CNOT1: variants seen among roughly 807,000 people sequenced by gnomAD.
CNOT1 encodes CCR4-associated factor 1.
CNOT1 carries 15 observed loss-of-function variants against 273.8 expected under a neutral mutation model. That is an observed-to-expected ratio of 0.05 (90% CI 0.04 to 0.08). The LOEUF (loss-of-function observed/expected upper bound fraction) is 0.08, where lower values mean the gene tolerates loss of function less well. Among genes scored for constraint, CNOT1 ranks in the 10% least tolerant of loss-of-function variants. CNOT1 has a pLI of 1.00. For synonymous variants in CNOT1, 1,022 were observed against 1,005.5 expected (o/e 1.02, Z -0.31); for missense variants, 1,644 against 2,912.2 (o/e 0.56, Z 10.02).
At chr16:58,561,632 A>T (rs192394601) in intron 16 of CNOT1, among the ~76,000 whole-genome samples, 2 of 152,242 alleles carry the variant, frequency 1.3e-5, no homozygotes, top group East Asian at 3.9e-4. Context: ...CAAATCTGAG[A>T]ATCTGAATAC....
At chr16:58,589,519 A>G (rs971367934) in intron 2 of CNOT1, among the ~76,000 whole-genome samples, 2 of 152,202 alleles carry the variant, frequency 1.3e-5, no homozygotes, top group South Asian at 2.1e-4. Flanking sequence ...TCTCAAAAAA[A>G]GAAAAAAAAA....
intron 47 of CNOT1, among the ~76,000 whole-genome samples, chr16:58,522,086 A>C (rs1013732969): frequency 6.6e-6 from 1 of 151,658 alleles, no homozygotes; most frequent in African/African-American, 2.4e-5. Flanking sequence ...CTGGGAGGCC[A>C]AGACGGGTGG....
At position 58,549,858 on chromosome 16, in the gene CNOT1, G is replaced by C. The variant is rs368615964; in HGVS notation, c.3383C>G (p.Pro1128Arg). Residue 1128 changes from proline to arginine, a missense_variant, in exon 25 of 49, where the codon CCT (proline) becomes CGT (arginine). Physicochemically the swap from Pro to Arg is moderately radical, Grantham distance 103. Transcript: ENST00000317147. Reference sequence around the variant, plus strand: ...CATAACCAGATACTGTGAAACCCAAGGCATAAATTCTTCTTTCACCGTTTC... The same window carrying C: ...CATAACCAGATACTGTGAAACCCAACGCATAAATTCTTCTTTCACCGTTTC... ...LKETVKEEFM[P>R]WVSQYLVMKR... 6.2e-7 allele frequency: 1 copy of C among 1,613,886 alleles called. No individual in the cohort carries two copies. The highest frequency in any genetic ancestry group is 1.1e-5 in the South Asian group (1 of 91,034).
At chr16:58,544,736 A>G (rs118151706) in intron 30 of CNOT1, among the ~76,000 whole-genome samples, 109 of 152,352 alleles carry the variant, frequency 7.2e-4, no homozygotes, top group Non-Finnish European at 1.4e-3. Context: ...CACTCACCTG[A>G]TTCTGTATTA....
chr16:58,599,861 C>T (rs1341947831), intron 1 of CNOT1, among the ~76,000 whole-genome samples: 4 of 151,924 alleles, frequency 2.6e-5, no homozygotes, highest in African/African-American at 4.8e-5. Flanking sequence ...GGCAGGAGTT[C>T]GAGACCAGCC....
chr16:58,599,930 G>A (rs1342265600), intron 1 of CNOT1, among the ~76,000 whole-genome samples: 2 of 152,058 alleles, frequency 1.3e-5, no homozygotes, highest in Non-Finnish European at 2.9e-5. Flanking sequence ...AGGCATGGTG[G>A]TGCACGCCTG....
intron 22 of CNOT1, among the ~76,000 whole-genome samples, chr16:58,552,172 GC>G (rs776537165): frequency 2.6e-5 from 4 of 151,268 alleles, no homozygotes; most frequent in East Asian, 3.9e-4. Flanking sequence ...GAAACCAAAG[GC>G]CTTAAAAAAC....
In CNOT1 at chr16:58,555,549, A is replaced by G; in HGVS notation, c.2605-12T>C. The G allele has an allele frequency of 6.2e-7, 1 of 1,608,512 alleles. No homozygotes were observed. The highest frequency in any genetic ancestry group is 8.5e-7 in the Non-Finnish European group (1 of 1,178,212). Reference sequence around the variant, plus strand: ...AGCATTTCTAATACCTGGAAAAGCAAGACAAAAACAACGCACACATAAAGG... The same window carrying G: ...AGCATTTCTAATACCTGGAAAAGCAGGACAAAAACAACGCACACATAAAGG... On this transcript the variant is annotated splice_polypyrimidine_tract_variant and intron_variant, in intron 20 of 48. Transcript: ENST00000317147.
Position 58,541,543 on chromosome 16 carries a change from A to G in CNOT1, c.4758T>C (p.Asn1586=), listed in dbSNP as rs774666248. ...ARNVPGFLPT[N]DLSQPTGFLA... is the part of the protein sequence containing the mutation. ...AAAATCCCGTGGGCTGACTTAAGTC[A>G]TTTGTAGGTAAGAAGCCAGGAACAT... Residue 1586 remains asparagine (N), a synonymous_variant, in exon 34 of 49, where the codon AAT becomes AAC. Transcript: ENST00000317147. 1 of 1,614,098 alleles carries G rather than the reference A, an allele frequency of 6.2e-7. No individual in the cohort carries two copies. Among genetic ancestry groups the G allele is most frequent in the Non-Finnish European group, 8.5e-7 (1 of 1,179,930 alleles).
At chr16:58,531,265 C>T (rs1018920752) in intron 42 of CNOT1, among the ~76,000 whole-genome samples, 4 of 152,210 alleles carry the variant, frequency 2.6e-5, no homozygotes, top group African/African-American at 9.6e-5. Flanking sequence ...CCTTCTTTGT[C>T]AAGTTCACTC....
At chr16:58,561,710 G>A (rs1285957260) in intron 16 of CNOT1, among the ~76,000 whole-genome samples, 3 of 152,034 alleles carry the variant, frequency 2.0e-5, no homozygotes, top group East Asian at 3.9e-4. Context: ...GTAGCATTTC[G>A]GAGTTTGAAT....
intron 1 of CNOT1, among the ~76,000 whole-genome samples, chr16:58,627,423 A>AAAAAAAT (rs1567455137): frequency 6.6e-6 from 1 of 151,248 alleles, no homozygotes; most frequent in Non-Finnish European, 1.5e-5. Flanking sequence ...AAAAAAAAAA[A>AAAAAAAT]AGTTTCTCAT....
At chr16:58,522,131 A>T (rs2039406017) in intron 47 of CNOT1, among the ~76,000 whole-genome samples, 1 of 151,682 alleles carries the variant, frequency 6.6e-6, no homozygotes, top group Admixed American at 6.6e-5. Flanking sequence ...CAGCCTGGCC[A>T]AGATGGTGAA....
At chr16:58,536,624 C>CA (rs1400264910) in intron 39 of CNOT1, among the ~76,000 whole-genome samples, 1 of 122,470 alleles carries the variant, frequency 8.2e-6, no homozygotes, top group East Asian at 2.9e-4. Flanking sequence ...TTTGTTTTGT[C>CA]ATTTTTTTTT....
chr16:58,553,745 C>T (rs1381624746), intron 22 of CNOT1, 37 bp downstream of exon 22: 3 of 1,596,390 alleles, frequency 1.9e-6, no homozygotes, highest in South Asian at 1.1e-5. Flanking sequence ...CCAAATACTA[C>T]ATAGCTATTT....
chr16:58,622,320 T>G (rs1332610689), intron 1 of CNOT1, among the ~76,000 whole-genome samples: 2 of 84,288 alleles, frequency 2.4e-5, no homozygotes, highest in African/African-American at 1.1e-4. Flanking sequence ...TCTCAAAAAA[T>G]GTACCACTCT....
In CNOT1 at chr16:58,555,301, T is replaced by A; in HGVS notation, c.2841A>T (p.Gly947=). Reference sequence around the variant, plus strand: ...CAATCCCGAAATAATACATTTTGGATCCAAAAGGCTTGCGTAAGGCTTCAA... The same window carrying A: ...CAATCCCGAAATAATACATTTTGGAACCAAAAGGCTTGCGTAAGGCTTCAA... The part of the protein sequence containing the change: ...YVLEALRKPF[G]SKMYYFGIAA... The change falls in exon 21 of 49, where the codon GGA becomes GGT. Residue 947 remains glycine (G), a synonymous_variant. Transcript: ENST00000317147. The A allele has an allele frequency of 6.2e-7, 1 of 1,614,146 alleles. No homozygotes were observed. Among genetic ancestry groups the A allele is most frequent in the Non-Finnish European group, 8.5e-7 (1 of 1,180,028 alleles).
At chr16:58,628,724 G>A (rs1435520854) in intron 1 of CNOT1, among the ~76,000 whole-genome samples, 2 of 152,244 alleles carry the variant, frequency 1.3e-5, no homozygotes, top group South Asian at 2.1e-4. Context: ...TAAGAAATGT[G>A]ACATTTGATT....
intron 2 of CNOT1, among the ~76,000 whole-genome samples, chr16:58,593,415 T>G (rs1277330545): frequency 6.6e-6 from 1 of 152,008 alleles, no homozygotes; most frequent in Non-Finnish European, 1.5e-5. Flanking sequence ...CAGTATTAGC[T>G]AGGCATAGTG....
Sources: gnomAD v4.1 joint callset for allele counts (sites outside exome capture counted in the v4.1 genomes callset) on GRCh38, gnomAD v4.1.1 for gene constraint, MANE v1.5 for transcripts, NCBI Gene and HGNC (gene_info 2026-07-23, HGNC 2026-07-21) for gene names.